The following NOVA1 variants were observed in gnomAD, a reference collection of about 807,000 sequenced individuals.
The protein encoded by NOVA1 is RNA-binding protein Nova-1.
A neutral mutation model predicts 38.0 loss-of-function variants in NOVA1; 7 were observed. The ratio of observed to expected loss-of-function variants is 0.18; its 90% CI spans 0.10 to 0.35. The LOEUF (loss-of-function observed/expected upper bound fraction) is 0.35. Ranked by LOEUF, NOVA1 falls within the 10% of genes least tolerant of loss-of-function variation. The probability of loss-of-function intolerance (pLI) is 1.00; values close to 1 mark genes in which losing one functional copy is unlikely to be tolerated. For synonymous variants in NOVA1, 270 were observed against 232.5 expected (o/e 1.16, Z -1.47); for missense variants, 460 against 616.0 (o/e 0.75, Z 2.68).
At chr14:26,582,389 A>G (rs1893276985) in intron 2 of NOVA1, among the ~76,000 whole-genome samples, 1 of 151,854 alleles carries the variant, frequency 6.6e-6, no homozygotes, top group Admixed American at 6.6e-5. Context: ...AATGAATATT[A>G]TGTCCATGAG....
chr14:26,451,198 A>G (rs1421188883), intron 4 of NOVA1, among the ~76,000 whole-genome samples: 4 of 152,132 alleles, frequency 2.6e-5, no homozygotes, highest in Non-Finnish European at 4.4e-5. Context: ...CTCACATTAT[A>G]TATGTTTTTT....
chr14:26,504,519 T>G (rs1887479861), intron 2 of NOVA1, among the ~76,000 whole-genome samples: 1 of 152,178 alleles, frequency 6.6e-6, no homozygotes, highest in Non-Finnish European at 1.5e-5. Flanking sequence ...AAAACATTCC[T>G]AAATAAGAAA....
chr14:26,519,460 T>C (rs1888714452), intron 2 of NOVA1: 1 of 152,168 alleles, frequency 6.6e-6, no homozygotes, highest in Non-Finnish European at 1.5e-5. Flanking sequence ...ATAAAGGGCT[T>C]TGAAATTCAT....
At chr14:26,575,299 G>C (rs952688377) in intron 2 of NOVA1, among the ~76,000 whole-genome samples, 18 of 151,884 alleles carry the variant, frequency 1.2e-4, no homozygotes, top group African/African-American at 4.4e-4. Flanking sequence ...GGAGCTTGCA[G>C]TGAGATAAAT....
At chr14:26,556,348 C>G (rs1891478969) in intron 2 of NOVA1, among the ~76,000 whole-genome samples, 1 of 152,096 alleles carries the variant, frequency 6.6e-6, no homozygotes, top group South Asian at 2.1e-4. Flanking sequence ...AAACCCACAT[C>G]AACATAGTCA....
chr14:26,464,663 G>A (rs915519319), intron 4 of NOVA1, among the ~76,000 whole-genome samples: 5 of 151,932 alleles, frequency 3.3e-5, no homozygotes, highest in Non-Finnish European at 7.4e-5. Flanking sequence ...GCTGATTGAT[G>A]GTAATTATCA....
chr14:26,542,484 G>T (rs527638872), intron 2 of NOVA1, among the ~76,000 whole-genome samples: 83 of 151,750 alleles, frequency 5.5e-4, no homozygotes, highest in African/African-American at 2.0e-3. Context: ...GCAGAAATTC[G>T]GTGCTGCATT....
intron 2 of NOVA1, among the ~76,000 whole-genome samples, chr14:26,509,376 T>C (rs1887885070): frequency 1.3e-5 from 2 of 152,108 alleles, no homozygotes; most frequent in South Asian, 4.2e-4. Context: ...ATGAGAGTAG[T>C]GGTAGTGGGA....
At chr14:26,526,130 C>T (rs1009493502) in intron 2 of NOVA1, among the ~76,000 whole-genome samples, 1 of 152,030 alleles carries the variant, frequency 6.6e-6, no homozygotes, top group Non-Finnish European at 1.5e-5. Flanking sequence ...TCTCTCAATA[C>T]GCTAATAAAT....
intron 2 of NOVA1, among the ~76,000 whole-genome samples, chr14:26,562,704 G>C (rs779109163): frequency 2.0e-5 from 3 of 152,068 alleles, no homozygotes; most frequent in South Asian, 4.1e-4. Context: ...ACCCCAGAAA[G>C]ACAGCGATAA....
chr14:26,561,035 A>G (rs1394208597), intron 2 of NOVA1, among the ~76,000 whole-genome samples: 1 of 152,166 alleles, frequency 6.6e-6, no homozygotes. Context: ...AACATCAGGC[A>G]TTAGTTGGAT....
intron 2 of NOVA1, among the ~76,000 whole-genome samples, chr14:26,484,835 C>T (rs1885759232): frequency 6.6e-6 from 1 of 152,140 alleles, no homozygotes; most frequent in Non-Finnish European, 1.5e-5. Flanking sequence ...ATGCCACATG[C>T]TCCTAGCTCA....
At chr14:26,594,977 T>A (rs992654103) in intron 2 of NOVA1, among the ~76,000 whole-genome samples, 2 of 152,016 alleles carry the variant, frequency 1.3e-5, no homozygotes, top group African/African-American at 4.8e-5. Flanking sequence ...CAGAAAGAGG[T>A]ACATAATGGA....
intron 2 of NOVA1, among the ~76,000 whole-genome samples, chr14:26,512,846 TCAA>T (rs1888201735): frequency 6.6e-6 from 1 of 151,786 alleles, no homozygotes; most frequent in East Asian, 1.9e-4. Flanking sequence ...TAAGAGGTAA[TCAA>T]TACATTTTTA....
At chr14:26,531,755 C>A (rs531480028) in intron 2 of NOVA1, among the ~76,000 whole-genome samples, 90 of 152,242 alleles carry the variant, frequency 5.9e-4, no homozygotes, top group Admixed American at 1.4e-3. Flanking sequence ...TGGAAGGACA[C>A]AAACAAATAA....
At chr14:26,482,098 A>G (rs1270278528) in intron 2 of NOVA1, among the ~76,000 whole-genome samples, 1 of 151,904 alleles carries the variant, frequency 6.6e-6, no homozygotes, top group East Asian at 1.9e-4. Context: ...ACCACACAGT[A>G]GCCCCTATAC....
intron 2 of NOVA1, among the ~76,000 whole-genome samples, chr14:26,585,308 T>C (rs187366844): frequency 6.3e-4 from 96 of 151,482 alleles, no homozygotes; most frequent in Non-Finnish European, 9.3e-4. Flanking sequence ...ATATTTAAGT[T>C]AGTCAAACTA....
chr14:26,543,181 A>G (rs754515380), intron 2 of NOVA1, among the ~76,000 whole-genome samples: 6 of 152,060 alleles, frequency 3.9e-5, no homozygotes, highest in Non-Finnish European at 7.4e-5. Flanking sequence ...TTAGGTATCC[A>G]TAAAAATTAA....
At chr14:26,494,874 T>G (rs928309778) in intron 2 of NOVA1, among the ~76,000 whole-genome samples, 8 of 152,202 alleles carry the variant, frequency 5.3e-5, no homozygotes, top group African/African-American at 1.9e-4. Flanking sequence ...AATAATAGTT[T>G]GAACCTGTAA....
Sources: allele counts gnomAD v4.1 joint callset (sites outside exome capture counted in the v4.1 genomes callset), GRCh38; gene constraint gnomAD v4.1.1; transcripts MANE v1.5; gene names NCBI Gene and HGNC (gene_info 2026-07-23, HGNC 2026-07-21).